CYREN: variants seen among roughly 807,000 people sequenced by gnomAD.
CYREN encodes cell cycle regulator of NHEJ.
Under a neutral mutation model 9.7 loss-of-function variants are expected in CYREN, and 7 were observed. The ratio of observed to expected loss-of-function variants is 0.72; its 90% CI spans 0.41 to 1.36. The LOEUF (loss-of-function observed/expected upper bound fraction) is 1.36. Among genes scored for constraint, CYREN ranks in the 40% most tolerant of loss-of-function variants. The probability of loss-of-function intolerance (pLI) is 0.01; values close to 1 mark genes in which losing one functional copy is unlikely to be tolerated. For synonymous variants in CYREN, 76 were observed against 77.9 expected (o/e 0.98, Z 0.13); for missense variants, 215 against 198.1 (o/e 1.09, Z -0.51).
chr7:135,136,664 C>G (rs1227825107), intron 2 of CYREN, among the ~76,000 whole-genome samples: 2 of 152,020 alleles, frequency 1.3e-5, no homozygotes, highest in Non-Finnish European at 2.9e-5. Flanking sequence ...TCTCAAAATT[C>G]CATTGGCCCT....
chr7:135,167,914 G>A, intron 2 of CYREN, 107 bp from the exon 3 acceptor site: 3 of 1,557,920 alleles, frequency 1.9e-6, no homozygotes, highest in African/African-American at 1.3e-5. Flanking sequence ...CTACCACGCA[G>A]GAGGTACCAG....
chr7:135,101,364 G>T, intron 2 of CYREN: 2 of 384,844 alleles, frequency 5.2e-6, no homozygotes, highest in South Asian at 2.0e-5. Context: ...TATGAAACTT[G>T]GATTATGGGA....
At chr7:135,111,518 A>G (rs1001220692) in intron 2 of CYREN, among the ~76,000 whole-genome samples, 1 of 152,166 alleles carries the variant, frequency 6.6e-6, no homozygotes, top group Non-Finnish European at 1.5e-5. Flanking sequence ...GTGTACTGCC[A>G]TCATCCAGTT....
chr7:135,144,255 T>C (rs1829503279), intron 2 of CYREN, among the ~76,000 whole-genome samples: 1 of 152,264 alleles, frequency 6.6e-6, no homozygotes, highest in Non-Finnish European at 1.5e-5. Context: ...ACTACGCCAC[T>C]CAGGACCATG....
intron 2 of CYREN, among the ~76,000 whole-genome samples, chr7:135,095,370 C>G (rs1225170332): frequency 6.6e-6 from 1 of 152,192 alleles, no homozygotes; most frequent in African/African-American, 2.4e-5. Context: ...AAGACAGATT[C>G]TATCTGATAA....
chr7:135,117,281 T>C (rs1313383830), intron 2 of CYREN, among the ~76,000 whole-genome samples: 1 of 152,226 alleles, frequency 6.6e-6, no homozygotes, highest in Non-Finnish European at 1.5e-5. Flanking sequence ...ATTTAAGGTA[T>C]GTAAATCATC....
chr7:135,131,459 TA>T (rs111322207), intron 2 of CYREN, among the ~76,000 whole-genome samples: 4 of 149,990 alleles, frequency 2.7e-5, no homozygotes, highest in South Asian at 2.1e-4. Context: ...AAACAAAAAT[TA>T]AAAAAAAAAT....
chr7:135,107,934 T>C (rs1234072276), intron 2 of CYREN, among the ~76,000 whole-genome samples: 2 of 152,240 alleles, frequency 1.3e-5, no homozygotes, highest in African/African-American at 2.4e-5. Flanking sequence ...TTAGGTCTTC[T>C]TGTTGAATTG....
At chr7:135,160,531 T>C (rs574178039) in intron 2 of CYREN, among the ~76,000 whole-genome samples, 51 of 152,264 alleles carry the variant, frequency 3.3e-4, no homozygotes, top group South Asian at 8.3e-4. Flanking sequence ...GAGGACTGAC[T>C]TCCACCCTCT....
At chr7:135,097,608 T>A (rs1034279353) in intron 2 of CYREN, among the ~76,000 whole-genome samples, 3 of 152,168 alleles carry the variant, frequency 2.0e-5, no homozygotes, top group Non-Finnish European at 4.4e-5. Flanking sequence ...TATGTTGTAC[T>A]GTGAAGGGTA....
intron 2 of CYREN, among the ~76,000 whole-genome samples, chr7:135,117,405 G>A (rs1826475363): frequency 1.3e-5 from 2 of 152,192 alleles, no homozygotes; most frequent in African/African-American, 4.8e-5. Context: ...GTAACGTCAT[G>A]TTCAACATGA....
intron 2 of CYREN, among the ~76,000 whole-genome samples, chr7:135,155,003 A>T (rs1829755595): frequency 6.6e-6 from 1 of 152,110 alleles, no homozygotes; most frequent in Non-Finnish European, 1.5e-5. Context: ...TGTTTTGTTA[A>T]TCTGGGTGCT....
chr7:135,125,350 C>T (rs769133595), intron 2 of CYREN, among the ~76,000 whole-genome samples: 39 of 151,644 alleles, frequency 2.6e-4, no homozygotes, highest in Non-Finnish European at 2.2e-4. Context: ...ACCAAGAAGT[C>T]GGATCCCTGA....
intron 2 of CYREN, among the ~76,000 whole-genome samples, chr7:135,146,228 A>G (rs1367215728): frequency 6.6e-6 from 1 of 152,206 alleles, no homozygotes; most frequent in Admixed American, 6.5e-5. Flanking sequence ...AGTGGTCAGA[A>G]CACACGGTCA....
intron 2 of CYREN, among the ~76,000 whole-genome samples, chr7:135,119,860 G>A (rs530495371): frequency 6.6e-6 from 1 of 152,248 alleles, no homozygotes; most frequent in African/African-American, 2.4e-5. Flanking sequence ...CTGGGTGACA[G>A]AGCGAGACTC....
At chr7:135,163,384 G>A (rs1418799858), downstream of CYREN, among the ~76,000 whole-genome samples, 17 of 152,162 alleles carry the variant, frequency 1.1e-4, no homozygotes, top group Admixed American at 9.8e-4. Context: ...GCTCATGCCT[G>A]TAATCCCAGC....
chr7:135,115,791 G>C (rs1340567748), intron 2 of CYREN: 1 of 546,764 alleles, frequency 1.8e-6, no homozygotes, highest in Non-Finnish European at 3.2e-6. Context: ...AAATGAAGGA[G>C]TAAGTTATCA....
chr7:135,167,045 A>G (rs1440284658), intron 3 of CYREN, 174 bp from the exon 4 acceptor site: 5 of 984,734 alleles, frequency 5.1e-6, no homozygotes, highest in Non-Finnish European at 6.0e-6. Context: ...CCTTCCCCTG[A>G]CCCCCTCTTC....
intron 2 of CYREN, among the ~76,000 whole-genome samples, chr7:135,123,921 ACCAG>A (rs1827496179): frequency 6.6e-6 from 1 of 152,192 alleles, no homozygotes; most frequent in East Asian, 1.9e-4. Flanking sequence ...AAAAACCAGT[ACCAG>A]CCACTGCAAA....
Sources: allele counts gnomAD v4.1 joint callset (sites outside exome capture counted in the v4.1 genomes callset), GRCh38; gene constraint gnomAD v4.1.1; transcripts MANE v1.5; gene names NCBI Gene and HGNC (gene_info 2026-07-23, HGNC 2026-07-21).